SCIN: variants seen among roughly 807,000 people sequenced by gnomAD.
SCIN encodes adseverin.
A neutral mutation model predicts 91.8 loss-of-function variants in SCIN; 91 were observed. That is an observed-to-expected ratio of 0.99 (90% CI 0.84 to 1.18). The LOEUF (loss-of-function observed/expected upper bound fraction) is 1.18, where lower values mean the gene tolerates loss of function less well. Among genes scored for constraint, SCIN ranks in the 50% most tolerant of loss-of-function variants. The pLI, the probability that SCIN is intolerant of heterozygous loss-of-function variation, is 0.00. For synonymous variants in SCIN, 367 were observed against 312.6 expected (o/e 1.17, Z -1.84); for missense variants, 1,087 against 863.9 (o/e 1.26, Z -3.24).
chr7:12,580,396 T>A (rs1782463758), intron 2 of SCIN, among the ~76,000 whole-genome samples: 1 of 152,158 alleles, frequency 6.6e-6, no homozygotes. Flanking sequence ...TTTATTTTAT[T>A]TTTTTTGTTT....
In SCIN at chr7:12,570,831, G is replaced by A; in HGVS notation, c.45G>A (p.Lys15=). The change falls in exon 1 of 16, where the codon AAG becomes AAA. Residue 15 remains lysine, a synonymous_variant. Transcript: ENST00000297029. ...ACGAAGAGTTCGCCCGGGCGGGCAAGCAGGCGGGGCTGCAGGTCTGGAGGA... is the reference window on the plus strand; with the variant it reads ...ACGAAGAGTTCGCCCGGGCGGGCAAACAGGCGGGGCTGCAGGTCTGGAGGA... The part of the protein sequence containing the change: ...LYHEEFARAG[K]QAGLQVWRIE... 1 of 1,551,608 alleles carries A rather than the reference G, an allele frequency of 6.4e-7. No homozygotes were observed. Among genetic ancestry groups the A allele is most frequent in the Non-Finnish European group, 8.7e-7 (1 of 1,146,980 alleles).
chr7:12,601,746 C>G (rs1782962636), intron 3 of SCIN, among the ~76,000 whole-genome samples: 1 of 152,190 alleles, frequency 6.6e-6, no homozygotes, highest in African/African-American at 2.4e-5. Flanking sequence ...AACTGTTTAT[C>G]ATTTTTTTGT....
At chr7:12,633,103 A>G (rs1783679058) in intron 9 of SCIN, among the ~76,000 whole-genome samples, 1 of 152,204 alleles carries the variant, frequency 6.6e-6, no homozygotes, top group Admixed American at 6.5e-5. Context: ...ACAACTTTCC[A>G]GTTTATGTGA....
At chr7:12,622,170 T>G (rs1783422893) in intron 4 of SCIN, among the ~76,000 whole-genome samples, 1 of 148,668 alleles carries the variant, frequency 6.7e-6, no homozygotes, top group African/African-American at 2.6e-5. Flanking sequence ...TACCAAACAC[T>G]TTTTTGGACT....
chr7:12,627,088 GTA>G (rs960957712), intron 8 of SCIN, among the ~76,000 whole-genome samples: 3 of 102,924 alleles, frequency 2.9e-5, no homozygotes, highest in African/African-American at 1.1e-4. Flanking sequence ...AGAAATGTGT[GTA>G]TACACACACA....
chr7:12,613,540 T>C (rs1783239252), intron 4 of SCIN, among the ~76,000 whole-genome samples: 1 of 152,132 alleles, frequency 6.6e-6, no homozygotes, highest in African/African-American at 2.4e-5. Context: ...TGCTCACATA[T>C]TGGAAAGAGG....
At chr7:12,608,696 C>G (rs2115255442) in intron 4 of SCIN, among the ~76,000 whole-genome samples, 1 of 152,200 alleles carries the variant, frequency 6.6e-6, no homozygotes. Flanking sequence ...CCAGGCTGGT[C>G]TCAAACTCCT....
chr7:12,585,414 T>C (rs1782567256), intron 3 of SCIN, among the ~76,000 whole-genome samples: 1 of 152,164 alleles, frequency 6.6e-6, no homozygotes, highest in Non-Finnish European at 1.5e-5. Flanking sequence ...TGTCTCTTCT[T>C]TTATACATTC....
chr7:12,588,499 T>C (rs1782637964), intron 3 of SCIN, among the ~76,000 whole-genome samples: 1 of 151,942 alleles, frequency 6.6e-6, no homozygotes. Context: ...AGAGTAAGTT[T>C]ACTAACCTGC....
At chr7:12,603,005 T>A (rs150724350) in intron 3 of SCIN, among the ~76,000 whole-genome samples, 162 of 152,270 alleles carry the variant, frequency 1.1e-3, no homozygotes, top group African/African-American at 3.7e-3. Context: ...CACATTTATG[T>A]TCCTCTGCTG....
intron 3 of SCIN, among the ~76,000 whole-genome samples, chr7:12,596,824 C>G (rs1036134273): frequency 1.3e-5 from 2 of 152,168 alleles, no homozygotes; most frequent in Non-Finnish European, 2.9e-5. Context: ...AGCAACCAAG[C>G]TAGAATTGTC....
At chr7:12,638,061 G>A (rs1416224490) in intron 10 of SCIN, among the ~76,000 whole-genome samples, 1 of 152,098 alleles carries the variant, frequency 6.6e-6, no homozygotes, top group Non-Finnish European at 1.5e-5. Context: ...TTATATTTAT[G>A]GTGGAGTATC....
intron 3 of SCIN, among the ~76,000 whole-genome samples, chr7:12,599,829 G>T (rs950096636): frequency 6.6e-6 from 1 of 152,050 alleles, no homozygotes; most frequent in Admixed American, 6.5e-5. Context: ...TCTCAGAACT[G>T]TCTGTTCATG....
Position 12,585,854 on chromosome 7 carries a change from C to T in SCIN, c.516+4633C>T, listed in dbSNP as rs17166200. Reference sequence around the variant, plus strand: ...GCAGATGGATTCCTTTGCTAGAATACTCGCCTCTTATTTGGCAACTTTCTC... The same window carrying T: ...GCAGATGGATTCCTTTGCTAGAATATTCGCCTCTTATTTGGCAACTTTCTC... On this transcript the variant is annotated intron_variant, in intron 3 of 15. Coordinates refer to ENST00000297029, the MANE Select transcript of SCIN (RefSeq NM_001112706.3). Among the ~76,000 whole-genome samples the T allele has an allele frequency of 9.8e-3, 1,489 of 152,324 alleles. 25 individuals carry two copies. The highest frequency in any genetic ancestry group is 0.035 in the African/African-American group (1,443 of 41,554).
At chr7:12,576,802 T>A (rs1782381370) in intron 1 of SCIN, among the ~76,000 whole-genome samples, 2 of 152,208 alleles carry the variant, frequency 1.3e-5, no homozygotes, top group African/African-American at 4.8e-5. Flanking sequence ...AAATAGGTTC[T>A]GCTTTATGAG....
chr7:12,622,636 C>G (rs1312765321), intron 4 of SCIN, among the ~76,000 whole-genome samples, 165 bp from the exon 5 acceptor site: 1 of 152,004 alleles, frequency 6.6e-6, no homozygotes, highest in Non-Finnish European at 1.5e-5. Flanking sequence ...TTGATTTGGC[C>G]TATATGAAAA....
At chr7:12,586,570 C>G (rs1014432760) in intron 3 of SCIN, among the ~76,000 whole-genome samples, 18 of 152,112 alleles carry the variant, frequency 1.2e-4, no homozygotes, top group Admixed American at 9.8e-4. Flanking sequence ...TCCAGCAGTC[C>G]CACTACTGGG....
rs1449000883 is a variant in SCIN at position 12,655,472 on chromosome 7, A to C, written c.*2757A>C. 1 of 152,224 alleles carries C rather than the reference A, an allele frequency of 6.6e-6. No homozygotes were observed. The highest frequency in any genetic ancestry group is 1.5e-5 in the Non-Finnish European group (1 of 68,028). 9.4% of individuals were successfully genotyped at this position (152,224 alleles called of 1,614,324 possible). A position where few individuals can be genotyped will look rare whatever the true frequency, so the allele number is the denominator to read the frequency against. On this transcript the variant is annotated 3_prime_UTR_variant, in exon 16 of 16. Coordinates refer to ENST00000297029, the MANE Select transcript of SCIN (RefSeq NM_001112706.3). ...AAAAGACATGAATAGAAGTTCACAG[A>C]AAAGAATGAAAATGACCAGTAAATA...
At position 12,625,852 on chromosome 7, in the gene SCIN, T is replaced by A. The variant is rs1231286755; in HGVS notation, c.981+2T>A. On this transcript the variant is annotated splice_donor_variant, in intron 7 of 15. Transcript: ENST00000297029. LOFTEE classifies it high-confidence loss of function. Reference sequence around the variant, plus strand: ...ATGAATTATTCCAAGAATACCCAAGTATGTGTGAAACTGAACTGGCTAGAA... The same window carrying A: ...ATGAATTATTCCAAGAATACCCAAGAATGTGTGAAACTGAACTGGCTAGAA... 6.3e-7 allele frequency: 1 copy of A among 1,598,722 alleles called. No individual in the cohort carries two copies. Among genetic ancestry groups the A allele is most frequent in the South Asian group, 1.1e-5 (1 of 90,010 alleles).
Sources: allele counts gnomAD v4.1 joint callset (sites outside exome capture counted in the v4.1 genomes callset), GRCh38; gene constraint gnomAD v4.1.1; transcripts MANE v1.5; gene names NCBI Gene and HGNC (gene_info 2026-07-23, HGNC 2026-07-21).